HEATR5B: variants seen among roughly 807,000 people sequenced by gnomAD.
HEATR5B encodes the protein HEAT repeat-containing protein 5B.
HEATR5B carries 156 observed loss-of-function variants against 224.1 expected under a neutral mutation model. The ratio of observed to expected loss-of-function variants is 0.70; its 90% CI spans 0.61 to 0.80. HEATR5B has a LOEUF of 0.80. Ranked by LOEUF, HEATR5B falls within the 30% of genes least tolerant of loss-of-function variation. HEATR5B has a pLI of 0.00. For synonymous variants in HEATR5B, 1,027 were observed against 893.0 expected (o/e 1.15, Z -2.68); for missense variants, 2,323 against 2,535.5 (o/e 0.92, Z 1.80).
intron 33 of HEATR5B, among the ~76,000 whole-genome samples, chr2:36,998,966 G>A (rs773602188): frequency 3.3e-5 from 5 of 152,118 alleles, no homozygotes; most frequent in Non-Finnish European, 7.4e-5. Flanking sequence ...CGTAATCCCA[G>A]CACTTTGGGA....
rs772794392 is a variant in HEATR5B at position 37,065,748 on chromosome 2, G to A, written c.1333+7C>T. ...AACACATACTAGCAAGTAACTGAATGTCATACCTATAGATGCTTCTTGAAT... is the reference window on the plus strand; with the variant it reads ...AACACATACTAGCAAGTAACTGAATATCATACCTATAGATGCTTCTTGAAT... On this transcript the variant is annotated splice_region_variant and intron_variant, in intron 9 of 35. Transcript: ENST00000233099. The A allele has an allele frequency of 1.2e-6, 2 of 1,607,750 alleles. No individual in the cohort carries two copies. Among genetic ancestry groups the A allele is most frequent in the Non-Finnish European group, 1.7e-6 (2 of 1,176,330 alleles).
At position 37,040,500 on chromosome 2, in the gene HEATR5B, G is replaced by C. The variant is rs1376236799; in HGVS notation, c.2875C>G (p.Leu959Val). The change falls in exon 20 of 36, where the codon CTT becomes GTT. Residue 959 changes from leucine (L) to valine (V), a missense_variant. Leu to Val is a conservative substitution (Grantham distance 32). This residue lies in a region of HEATR5B where 44 missense variants were observed against 39.0 expected (regional missense o/e 1.13). Coordinates refer to ENST00000233099, the MANE Select transcript of HEATR5B (RefSeq NM_019024.3). ...PEVQTWSLHSLALIVDSSGPM... is the reference protein window; with the variant it reads ...PEVQTWSLHSVALIVDSSGPM... ...CCACTAGAATCCACTATCAAAGCAAGTGAATGAAGAGACCAAGTCTAGAAT... is the reference window on the plus strand; with the variant it reads ...CCACTAGAATCCACTATCAAAGCAACTGAATGAAGAGACCAAGTCTAGAAT... 1 of 1,606,622 alleles carries C rather than the reference G, an allele frequency of 6.2e-7. No homozygotes were observed. Among genetic ancestry groups the C allele is most frequent in the East Asian group, 2.2e-5 (1 of 44,824 alleles).
At chr2:37,013,807 G>A in intron 27 of HEATR5B, 34 bp downstream of exon 27, 2 of 1,481,460 alleles carry the variant, frequency 1.4e-6, no homozygotes, top group Non-Finnish European at 1.8e-6. Context: ...TGAAGAAATG[G>A]GTCAAAAACA....
chr2:36,990,603 TAAAGGG>T, intron 34 of HEATR5B, 39 bp downstream of exon 34: 2 of 1,444,674 alleles, frequency 1.4e-6, no homozygotes, highest in Non-Finnish European at 1.9e-6. Flanking sequence ...ATTTTCCTGA[TAAAGGG>T]AAATGTTTTT....
intron 33 of HEATR5B, among the ~76,000 whole-genome samples, chr2:36,997,567 C>CTTTTT (rs10699174): frequency 6.2e-5 from 8 of 129,570 alleles, no homozygotes; most frequent in Admixed American, 8.4e-5. Context: ...CTCTGCCATT[C>CTTTTT]TTTTTTTTTT....
chr2:37,050,270 G>A (rs1177389047), intron 17 of HEATR5B, among the ~76,000 whole-genome samples: 3 of 152,080 alleles, frequency 2.0e-5, no homozygotes, highest in Non-Finnish European at 4.4e-5. Context: ...TCTTCAACCA[G>A]TTTTCACATG....
At chr2:37,062,863 G>C (rs1411788133) in intron 10 of HEATR5B, among the ~76,000 whole-genome samples, 1 of 152,164 alleles carries the variant, frequency 6.6e-6, no homozygotes, top group African/African-American at 2.4e-5. Context: ...TCATAGCTCG[G>C]TGTAACCTGG....
intron 24 of HEATR5B, among the ~76,000 whole-genome samples, chr2:37,024,208 G>A (rs1268920147): frequency 1.3e-5 from 2 of 152,214 alleles, no homozygotes; most frequent in Non-Finnish European, 2.9e-5. Flanking sequence ...TAATCTAACA[G>A]AAGTAGAGAG....
chr2:37,081,585 G>A (rs1052473920), intron 2 of HEATR5B, among the ~76,000 whole-genome samples: 32 of 152,158 alleles, frequency 2.1e-4, no homozygotes, highest in African/African-American at 7.7e-4. Context: ...GGAGGTGGGA[G>A]TGAAGTTGTA....
intron 18 of HEATR5B, among the ~76,000 whole-genome samples, chr2:37,042,115 T>C (rs1669909970): frequency 6.6e-6 from 1 of 152,148 alleles, no homozygotes; most frequent in Non-Finnish European, 1.5e-5. Context: ...ATAAGCTTTA[T>C]TGAGACTCAC....
chr2:37,024,896 G>C (rs776614412), intron 24 of HEATR5B, among the ~76,000 whole-genome samples: 2 of 152,116 alleles, frequency 1.3e-5, no homozygotes, highest in African/African-American at 2.4e-5. Flanking sequence ...CTCAAAGCAA[G>C]ACCTCCGTCT....
rs755958434 is a variant in HEATR5B, at chr2:37,060,686, G to A, written c.1744C>T (p.Arg582Ter). Residue 582 changes from arginine to a stop codon, truncating the protein, a stop_gained, in exon 12 of 36, where the codon CGA (arginine) becomes TGA (stop). Transcript: ENST00000233099. LOFTEE classifies it high-confidence loss of function. ...YHLPKMLLLWRNVFPRSLKEL... is the reference protein window; with the variant it reads ...YHLPKMLLLW ...TTTAAGGAACGTGGGAAAACATTTC[G>A]CCACAATAACAACATCTTGGGCAGA... 6 of 1,613,656 alleles carry A rather than the reference G, an allele frequency of 3.7e-6. No individual in the cohort carries two copies. Among genetic ancestry groups the A allele is most frequent in the Non-Finnish European group, 3.4e-6 (4 of 1,179,796 alleles).
intron 35 of HEATR5B, among the ~76,000 whole-genome samples, chr2:36,987,488 A>G (rs1666028293): frequency 6.6e-6 from 1 of 152,160 alleles, no homozygotes; most frequent in East Asian, 1.9e-4. Context: ...CAATCATAAG[A>G]TACTAGTTTA....
At chr2:37,011,748 G>C (rs957906409) in intron 27 of HEATR5B, among the ~76,000 whole-genome samples, 1 of 152,000 alleles carries the variant, frequency 6.6e-6, no homozygotes, top group Admixed American at 6.6e-5. Flanking sequence ...CTTAGCATTG[G>C]GAATCCTAGA....
intron 22 of HEATR5B, among the ~76,000 whole-genome samples, chr2:37,032,216 A>AT (rs924212991): frequency 2.0e-5 from 3 of 152,052 alleles, no homozygotes; most frequent in South Asian, 2.1e-4. Flanking sequence ...GCTGCAAATA[A>AT]TTTTTTTTAA....
intron 16 of HEATR5B, among the ~76,000 whole-genome samples, chr2:37,054,231 G>C (rs907131060): frequency 1.0e-5 from 1 of 95,790 alleles, no homozygotes; most frequent in Admixed American, 1.5e-4. Flanking sequence ...TTTCGCTCTT[G>C]TTGCCCAGGC....
chr2:37,054,433 G>A lies in HEATR5B; in HGVS notation c.2400-826C>T, dbSNP rs555730079. Among the ~76,000 whole-genome samples, 18 of 135,396 alleles carry A rather than the reference G, an allele frequency of 1.3e-4. No individual in the cohort carries two copies. In the South Asian group the frequency reaches 2.7e-3, roughly 20 times the overall value. 88.8% of individuals were successfully genotyped at this position (135,396 alleles called of 152,430 possible). ...CGACCTCAGGTGATCTGCCCACCTC[G>A]GCCTCCCAAAGTGCTGGGATTACAG... On this transcript the variant is annotated intron_variant, in intron 16 of 35. Transcript: ENST00000233099.
chr2:37,018,713 T>C (rs765608164), intron 26 of HEATR5B, among the ~76,000 whole-genome samples: 8 of 152,276 alleles, frequency 5.3e-5, no homozygotes, highest in Non-Finnish European at 1.0e-4. Flanking sequence ...AGCACCGTAC[T>C]CCAGAAAACT....
Position 37,002,486 on chromosome 2 carries a change from A to T in HEATR5B, c.5137T>A (p.Phe1713Ile). The T allele has an allele frequency of 6.2e-7, 1 of 1,614,232 alleles. No homozygotes were observed. Among genetic ancestry groups the T allele is most frequent in the Non-Finnish European group, 8.5e-7 (1 of 1,180,030 alleles). The change falls in exon 32 of 36, where the codon TTT becomes ATT. Residue 1713 changes from phenylalanine to isoleucine, a missense_variant. This residue lies in a region of HEATR5B where 844 missense variants were observed against 812.9 expected (regional missense o/e 1.04). Transcript: ENST00000233099. ...GGLIPGKSLV[F>I]ATMELLMFIL... ...AACATCAGCAGCTCCATAGTTGCAA[A>T]CACAAGAGATTTTCCAGGAATGAGA...
Sources: gnomAD v4.1 joint callset for allele counts (sites outside exome capture counted in the v4.1 genomes callset) on GRCh38, gnomAD v4.1.1 for gene constraint, gnomAD v4.1.1 regional missense constraint, MANE v1.5 for transcripts, NCBI Gene and HGNC (gene_info 2026-07-23, HGNC 2026-07-21) for gene names.